The following PGM1 variants were observed in gnomAD, a reference collection of about 807,000 sequenced individuals.
The protein encoded by PGM1 is phosphoglucomutase-1.
In PGM1, 52 loss-of-function variants were observed where a neutral mutation model predicts 55.6. The ratio of observed to expected loss-of-function variants is 0.94; its 90% CI spans 0.75 to 1.18. The LOEUF (loss-of-function observed/expected upper bound fraction) is 1.18, where lower values mean the gene tolerates loss of function less well. Among genes scored for constraint, PGM1 ranks in the 50% most tolerant of loss-of-function variants. PGM1 has a pLI of 0.00. For synonymous variants in PGM1, 287 were observed against 271.7 expected, an observed-to-expected ratio of 1.06 and a Z score of -0.55; for missense variants, 724 against 729.3, an observed-to-expected ratio of 0.99 and a Z score of 0.08.
At chr1:63,623,541 A>G in intron 1 of PGM1, 1 of 1,612,802 alleles carries the variant, frequency 6.2e-7, no homozygotes, top group African/African-American at 1.3e-5. Context: ...CTTTTGCTAC[A>G]GCTCCCTACC....
chr1:63,623,537 C>T (rs762321283), intron 1 of PGM1: 1 of 1,612,716 alleles, frequency 6.2e-7, no homozygotes, highest in South Asian at 1.1e-5. Flanking sequence ...TTGACTTTTG[C>T]TACAGCTCCC....
At chr1:63,599,638 A>C (rs1648178602) in intron 1 of PGM1, among the ~76,000 whole-genome samples, 1 of 152,116 alleles carries the variant, frequency 6.6e-6, no homozygotes, top group African/African-American at 2.4e-5. Context: ...AAAATAAAAA[A>C]ACTTAATCTG....
At chr1:63,624,687 G>T (rs1648975656) in intron 1 of PGM1, among the ~76,000 whole-genome samples, 1 of 152,176 alleles carries the variant, frequency 6.6e-6, no homozygotes, top group South Asian at 2.1e-4. Context: ...TTCTTTTCTG[G>T]AAGAGATTCT....
chr1:63,593,838 C>T (rs895715181), intron 1 of PGM1, 104 bp downstream of exon 1: 33 of 1,309,908 alleles, frequency 2.5e-5, no homozygotes, highest in African/African-American at 9.4e-5. Context: ...CGCGCGCTGC[C>T]GCCTCGGTTT....
chr1:63,634,774 C>A, intron 4 of PGM1, 55 bp from the exon 5 acceptor site: 3 of 1,470,072 alleles, frequency 2.0e-6, no homozygotes, highest in Non-Finnish European at 2.9e-6. Context: ...TCCTCACATA[C>A]TTTAAGGAGT....
intron 1 of PGM1, chr1:63,623,774 A>G (rs1392731489): frequency 1.3e-6 from 2 of 1,571,174 alleles, no homozygotes; most frequent in African/African-American, 2.7e-5. Flanking sequence ...GGTATATGAT[A>G]AGTATTGTTA....
chr1:63,625,661 C>T (rs1648996647), intron 1 of PGM1, among the ~76,000 whole-genome samples: 1 of 152,196 alleles, frequency 6.6e-6, no homozygotes, highest in Non-Finnish European at 1.5e-5. Context: ...CCACTGTGCC[C>T]ATAAGCTGAT....
intron 1 of PGM1, among the ~76,000 whole-genome samples, chr1:63,609,768 C>T (rs77257767): frequency 7.8e-4 from 119 of 152,272 alleles, no homozygotes; most frequent in East Asian, 5.8e-3. Flanking sequence ...ATAAATTACA[C>T]GAGATCTTCC....
At chr1:63,656,515 T>C (rs1649969477) in intron 10 of PGM1, among the ~76,000 whole-genome samples, 1 of 152,028 alleles carries the variant, frequency 6.6e-6, no homozygotes, top group Non-Finnish European at 1.5e-5. Flanking sequence ...TTATTCACAA[T>C]AGTCAAGATA....
At chr1:63,594,002 G>A (rs1647958591) in intron 1 of PGM1, 2 of 1,149,840 alleles carry the variant, frequency 1.7e-6, no homozygotes, top group Non-Finnish European at 1.1e-6. Flanking sequence ...GCCTCCCAAG[G>A]TCACGCCCGA....
intron 8 of PGM1, among the ~76,000 whole-genome samples, chr1:63,649,148 G>C (rs1339268244): frequency 2.6e-5 from 4 of 152,248 alleles, no homozygotes; most frequent in Non-Finnish European, 5.9e-5. Context: ...ATAAATTATA[G>C]AAACAGTTAT....
chr1:63,601,294 G>A (rs1225070143), intron 1 of PGM1, among the ~76,000 whole-genome samples: 1 of 152,168 alleles, frequency 6.6e-6, no homozygotes, highest in Non-Finnish European at 1.5e-5. Flanking sequence ...TTCCTTTGGG[G>A]CACACTGCTT....
intron 1 of PGM1, among the ~76,000 whole-genome samples, chr1:63,602,605 CA>C (rs1178437415): frequency 1.0e-5 from 1 of 97,694 alleles, no homozygotes; most frequent in East Asian, 3.3e-4. Flanking sequence ...AATGTGCTCA[CA>C]AGTGAATTGA....
At chr1:63,636,569 G>T (rs930161187) in intron 6 of PGM1, among the ~76,000 whole-genome samples, 181 bp downstream of exon 6, 1 of 152,094 alleles carries the variant, frequency 6.6e-6, no homozygotes, top group African/African-American at 2.4e-5. Context: ...GCCCCTCTCC[G>T]CACTCCCTTG....
intron 5 of PGM1, 137 bp from the exon 6 acceptor site, chr1:63,636,097 G>C: frequency 1.2e-6 from 1 of 851,846 alleles, no homozygotes; most frequent in Non-Finnish European, 1.9e-6. Flanking sequence ...ATAAAACCCA[G>C]TGTTAAAAAT....
At chr1:63,595,463 C>G (rs1648034435) in intron 1 of PGM1, among the ~76,000 whole-genome samples, 1 of 152,214 alleles carries the variant, frequency 6.6e-6, no homozygotes, top group Admixed American at 6.5e-5. Context: ...TGGGCTCTAT[C>G]TACATCTGCC....
At chr1:63,602,335 A>AT (rs2100957811) in intron 1 of PGM1, among the ~76,000 whole-genome samples, 1 of 152,364 alleles carries the variant, frequency 6.6e-6, no homozygotes, top group Non-Finnish European at 1.5e-5. Context: ...CATCTATATT[A>AT]TACAAGAATC....
chr1:63,607,716 C>A (rs35083218), intron 1 of PGM1, among the ~76,000 whole-genome samples: 18,884 of 152,128 alleles, frequency 0.12, 1,273 homozygotes, highest in Middle Eastern at 0.22. Context: ...TAGTATCGTA[C>A]CCTGCCAAAT....
intron 10 of PGM1, among the ~76,000 whole-genome samples, chr1:63,658,360 T>TA (rs1553122913): frequency 2.6e-5 from 4 of 151,180 alleles, no homozygotes; most frequent in Admixed American, 2.0e-4. Context: ...TTTTTTTTTT[T>TA]AATATTGAAA....
Sources: allele counts gnomAD v4.1 joint callset (sites outside exome capture counted in the v4.1 genomes callset), GRCh38; gene constraint gnomAD v4.1.1; transcripts MANE v1.5; gene names NCBI Gene and HGNC (gene_info 2026-07-23, HGNC 2026-07-21).